Variants in NOTCH3 observed in about 807,000 individuals in gnomAD.
NOTCH3 encodes the protein neurogenic locus notch homolog protein 3.
In NOTCH3, 86 loss-of-function variants were observed where a neutral mutation model predicts 213.3. The observed-to-expected ratio is 0.40, with a 90% CI of 0.34 to 0.48. The LOEUF (loss-of-function observed/expected upper bound fraction) is 0.48. NOTCH3 is among the 20% of genes least tolerant of loss of function. NOTCH3 has a pLI of 0.57. For synonymous variants in NOTCH3, 1,354 were observed against 1,355.9 expected (o/e 1.00, Z 0.03); for missense variants, 2,783 against 3,272.6 (o/e 0.85, Z 3.65).
rs1251484580 is a variant in NOTCH3, at chr19:15,170,822, C to G, written c.4740G>C (p.Ser1580=). The G allele has an allele frequency of 1.2e-6, 2 of 1,613,200 alleles. No individual in the cohort carries two copies. Among genetic ancestry groups the G allele is most frequent in the South Asian group, 1.1e-5 (1 of 90,894 alleles). Residue 1580 remains serine (S), a synonymous_variant, in exon 26 of 33, where the codon TCG becomes TCC. Coordinates refer to ENST00000263388, the MANE Select transcript of NOTCH3 (RefSeq NM_000435.3). ...RRELAPEVIG[S]VVMLEIDNRL... is the part of the protein sequence containing the mutation. ...GGTTGTCAATCTCCAGCATTACTAC[C>G]GAGCTGCAGGGACAGCAGGGAGGGA...
intron 10 of NOTCH3, 62 bp downstream of exon 10, chr19:15,187,819 G>T: frequency 7.5e-7 from 1 of 1,328,252 alleles, no homozygotes; most frequent in Non-Finnish European, 1.1e-6. Context: ...GTCTGTTATT[G>T]GCCCTGTCGC....
In NOTCH3 at chr19:15,164,554, T is replaced by TAAAAA. The variant is rs1568347033; in HGVS notation, c.5815+809_5815+813dup. On this transcript the variant is annotated intron_variant, in intron 31 of 32. Coordinates refer to ENST00000263388, the MANE Select transcript of NOTCH3 (RefSeq NM_000435.3). Reference sequence around the variant, plus strand: ...GAGACTCTGTCTCAAAAAAAAAAATTAAAAAAAGGGCAACATAAGGAGAAA... The same window carrying TAAAAA: ...GAGACTCTGTCTCAAAAAAAAAAATTAAAAAAAAAAAAGGGCAACATAAGGAGAAA... Among the ~76,000 whole-genome samples, 55 of 119,446 alleles carry TAAAAA rather than the reference T, an allele frequency of 4.6e-4. 7 individuals carry two copies. Among genetic ancestry groups the TAAAAA allele is most frequent in the Non-Finnish European group, 7.6e-4 (45 of 59,132 alleles). 78.4% of individuals were successfully genotyped at this position (119,446 alleles called of 152,430 possible). A position where few individuals can be genotyped will look rare whatever the true frequency, so the allele number is the denominator to read the frequency against.
rs755298990 is a variant in NOTCH3, at chr19:15,162,531, C to G, written c.5847G>C (p.Val1949=). ...GGGCCAAAGTGGCTTCCACGTTGTT[C>G]ACAGCCGCAGCCCAGTGTAAGGCTG... The part of the protein sequence containing the change: ...GKSALHWAAA[V]NNVEATLALL... Residue 1949 remains valine (V), a synonymous_variant, in exon 32 of 33, where the codon GTG becomes GTC. Transcript: ENST00000263388. 29 of 1,613,894 alleles carry G rather than the reference C, an allele frequency of 1.8e-5. No homozygotes were observed. The Admixed American group carries it at 4.3e-4, about 24-fold the overall frequency.
At position 15,185,198 on chromosome 19, in the gene NOTCH3, A is replaced by C; in HGVS notation, c.2296+59T>G. 5 of 1,588,878 alleles carry C rather than the reference A, an allele frequency of 3.1e-6. No homozygotes were observed. Among genetic ancestry groups the C allele is most frequent in the Non-Finnish European group, 4.3e-6 (5 of 1,158,552 alleles). On this transcript the variant is annotated intron_variant, in intron 14 of 32. Coordinates refer to ENST00000263388, the MANE Select transcript of NOTCH3 (RefSeq NM_000435.3). This position sits in a 1 kb window ranked among gnomAD's most constrained non-coding sequence, Gnocchi z 4.2. ...TAGCGGGAGGAGAGAGTAGAGGAGA[A>C]GAGAGATGAGAAGGCCCATGGTGTT...
rs1228942056 is a variant in NOTCH3 at position 15,170,139 on chromosome 19, C to G, written c.5146G>C (p.Glu1716Gln). 6.2e-7 allele frequency: 1 copy of G among 1,604,952 alleles called. No individual in the cohort carries two copies. Among genetic ancestry groups the G allele is most frequent in the Non-Finnish European group, 8.5e-7 (1 of 1,175,624 alleles). The change falls in exon 28 of 33, where the codon GAG (glutamate) becomes CAG (glutamine). Residue 1716 changes from glutamate to glutamine, a missense_variant. Glu to Gln is a conservative substitution (Grantham distance 29, BLOSUM62 2). Around this residue, in one of 6 missense-constraint regions of NOTCH3, gnomAD observed 636 missense variants for 801.8 expected, o/e 0.79. Transcript: ENST00000263388. ...NMAKGESLMG[E>Q]VATDWMDTEC... ...GTGTCCATCCAGTCTGTGGCCACCTCCCCCATCAGGCTCTCACCCTTGGCC... is the reference window on the plus strand; with the variant it reads ...GTGTCCATCCAGTCTGTGGCCACCTGCCCCATCAGGCTCTCACCCTTGGCC...
rs2145391673 is a variant in NOTCH3 at position 15,165,725 on chromosome 19, C to G, written c.5667+62G>C. On this transcript the variant is annotated intron_variant, in intron 30 of 32. Coordinates refer to ENST00000263388, the MANE Select transcript of NOTCH3 (RefSeq NM_000435.3). This position sits in a 1 kb window ranked among gnomAD's most constrained non-coding sequence, Gnocchi z 4.7. The stretch of plus-strand genomic sequence containing the variant: ...GAGTCTGAAAGGCAGAACTGGGGCT[C>G]AAACCCAGGTAAGTCTAATGCCTGC... 1.3e-6 allele frequency: 2 copies of G among 1,577,428 alleles called. No individual in the cohort carries two copies. The highest frequency in any genetic ancestry group is 1.7e-6 in the Non-Finnish European group (2 of 1,159,708).
chr19:15,175,153 G>A (rs897707940), intron 24 of NOTCH3, among the ~76,000 whole-genome samples: 2 of 152,124 alleles, frequency 1.3e-5, no homozygotes, highest in African/African-American at 2.4e-5. Flanking sequence ...CCTGGTCCAC[G>A]TGCAGCTGGC....
chr19:15,166,584 A>C (rs2046688193), intron 29 of NOTCH3, among the ~76,000 whole-genome samples: 1 of 152,234 alleles, frequency 6.6e-6, no homozygotes, highest in African/African-American at 2.4e-5. Flanking sequence ...GAGGGACTTC[A>C]AAAGAGAGCC....
intron 20 of NOTCH3, 139 bp downstream of exon 20, chr19:15,179,933 C>T: frequency 1.6e-6 from 1 of 634,176 alleles, no homozygotes. Flanking sequence ...GTGACACCCA[C>T]AGATACACCA....
chr19:15,192,664 C>CTTTG, intron 2 of NOTCH3, 145 bp from the exon 3 acceptor site: 2 of 1,244,284 alleles, frequency 1.6e-6, no homozygotes, highest in Non-Finnish European at 2.2e-6. Context: ...CCTGTAATCC[C>CTTTG]AGAACTTTGG....
chr19:15,182,566 TTGAAA>T (rs1599384346), intron 16 of NOTCH3, among the ~76,000 whole-genome samples: 1 of 152,234 alleles, frequency 6.6e-6, no homozygotes, highest in East Asian at 1.9e-4. Flanking sequence ...TGGTTACATG[TTGAAA>T]TGATATGTTA....
intron 2 of NOTCH3, among the ~76,000 whole-genome samples, chr19:15,192,751 C>T (rs1212872279): frequency 1.3e-5 from 2 of 152,134 alleles, no homozygotes; most frequent in African/African-American, 4.8e-5. Flanking sequence ...CCCGTCTCTA[C>T]TAAAAGTACG....
At chr19:15,184,246 A>G in intron 16 of NOTCH3, 49 bp downstream of exon 16, 2 of 1,564,324 alleles carry the variant, frequency 1.3e-6, no homozygotes, top group Non-Finnish European at 1.8e-6. Flanking sequence ...TTCAAGCTTA[A>G]TGACTGTGTT....
chr19:15,184,899 G>T lies in NOTCH3; in HGVS notation c.2410+7C>A. 1 of 1,478,934 alleles carries T rather than the reference G, an allele frequency of 6.8e-7. No homozygotes were observed. The highest frequency in any genetic ancestry group is 9.2e-7 in the Non-Finnish European group (1 of 1,081,110). 91.6% of individuals were successfully genotyped at this position (1,478,934 alleles called of 1,614,324 possible). On this transcript the variant is annotated splice_region_variant and intron_variant, in intron 15 of 32. Coordinates refer to ENST00000263388, the MANE Select transcript of NOTCH3 (RefSeq NM_000435.3). ...AGAGGAGGAGGGAAGAGAAGCAGGTGGCATACCTTGCCAGCCCTGGGGGCA... is the reference window on the plus strand; with the variant it reads ...AGAGGAGGAGGGAAGAGAAGCAGGTTGCATACCTTGCCAGCCCTGGGGGCA...
At chr19:15,198,482 G>A (rs887012444) in intron 1 of NOTCH3, among the ~76,000 whole-genome samples, 1 of 152,202 alleles carries the variant, frequency 6.6e-6, no homozygotes, top group Non-Finnish European at 1.5e-5. Context: ...CAGGCATGGT[G>A]GCTCACGCCT....
intron 21 of NOTCH3, 27 bp downstream of exon 21, chr19:15,179,337 G>A (rs781018272): frequency 1.9e-6 from 3 of 1,611,246 alleles, no homozygotes; most frequent in Non-Finnish European, 1.7e-6. Context: ...CTCTCATCCT[G>A]TCCCCCCAAC....
chr19:15,187,090 A>G lies in NOTCH3; in HGVS notation c.1840+15T>C. On this transcript the variant is annotated intron_variant, in intron 11 of 32. Transcript: ENST00000263388. ...CCTCCAGGTGTGCTGTTTCTGCCCC[A>G]GCCCCCGGTCCCACCTGTGGTCCCA... 3 of 1,611,798 alleles carry G rather than the reference A, an allele frequency of 1.9e-6. No homozygotes were observed. The highest frequency in any genetic ancestry group is 2.2e-5 in the South Asian group (2 of 90,754).
In NOTCH3 at chr19:15,170,840, G is replaced by A. The variant is rs1422193094; in HGVS notation, c.4737-15C>T. On this transcript the variant is annotated splice_polypyrimidine_tract_variant and intron_variant, in intron 25 of 32. Coordinates refer to ENST00000263388, the MANE Select transcript of NOTCH3 (RefSeq NM_000435.3). Reference sequence around the variant, plus strand: ...TTACTACCGAGCTGCAGGGACAGCAGGGAGGGACCAGAGGGCTCAAAAATT... The same window carrying A: ...TTACTACCGAGCTGCAGGGACAGCAAGGAGGGACCAGAGGGCTCAAAAATT... The A allele has an allele frequency of 6.2e-7, 1 of 1,612,754 alleles. No homozygotes were observed. The highest frequency in any genetic ancestry group is 8.5e-7 in the Non-Finnish European group (1 of 1,179,856).
intron 2 of NOTCH3, 131 bp from the exon 3 acceptor site, chr19:15,192,650 C>T: frequency 1.5e-6 from 2 of 1,322,066 alleles, no homozygotes; most frequent in Admixed American, 2.0e-5. Context: ...AGCAGTGGCT[C>T]ACGCCTGTAA....
Sources: allele counts gnomAD v4.1 joint callset (sites outside exome capture counted in the v4.1 genomes callset), GRCh38; gene constraint gnomAD v4.1.1; regional missense constraint gnomAD v4.1.1; non-coding constraint Gnocchi (gnomAD v3.1); transcripts MANE v1.5; gene names NCBI Gene and HGNC (gene_info 2026-07-23, HGNC 2026-07-21).